The following CRYBA4 variants were observed in gnomAD, a reference collection of about 807,000 sequenced individuals.
The protein encoded by CRYBA4 is beta-crystallin A4.
A neutral mutation model predicts 31.7 loss-of-function variants in CRYBA4; 30 were observed. The observed-to-expected ratio is 0.95, with a 90% CI of 0.71 to 1.28. CRYBA4 has a LOEUF of 1.28. Among genes scored for constraint, CRYBA4 ranks in the 50% most tolerant of loss-of-function variants. The pLI is 0.00. For synonymous variants in CRYBA4, 102 were observed against 102.3 expected (o/e 1.00, Z 0.02); for missense variants, 225 against 260.7 (o/e 0.86, Z 0.94).
chr22:26,613,059 G>A, the CRYBA4 span, among the ~76,000 whole-genome samples: 1 of 152,274 alleles, frequency 6.6e-6, no homozygotes, highest in South Asian at 2.1e-4. Context: ...AGGGCCTGAG[G>A]TTGATCAATT....
At chr22:26,594,416 T>C in the CRYBA4 span, among the ~76,000 whole-genome samples, 6 of 152,296 alleles carry the variant, frequency 3.9e-5, no homozygotes, top group African/African-American at 1.4e-4. Context: ...TGCTCCAATG[T>C]CTAAAAGATT....
At chr22:26,591,930 G>T in the CRYBA4 span, among the ~76,000 whole-genome samples, 1 of 93,888 alleles carries the variant, frequency 1.1e-5, no homozygotes, top group South Asian at 3.5e-4. Context: ...CACACACACA[G>T]AAACTAGGGC....
the CRYBA4 span, among the ~76,000 whole-genome samples, chr22:26,611,454 G>T: frequency 0.022 from 3,082 of 142,710 alleles, 46 homozygotes; most frequent in Non-Finnish European, 0.033. Flanking sequence ...GCTAGAGTTT[G>T]TTTTTTTTTT....
the CRYBA4 span, among the ~76,000 whole-genome samples, chr22:26,613,568 T>G: frequency 6.6e-6 from 1 of 152,242 alleles, no homozygotes; most frequent in Non-Finnish European, 1.5e-5. Flanking sequence ...TCATGGACAC[T>G]TATCACTTCC....
chr22:26,599,369 C>G, the CRYBA4 span: 1 of 905,062 alleles, frequency 1.1e-6, no homozygotes, highest in Non-Finnish European at 1.7e-6. Context: ...TCAAGGCACA[C>G]ATCTGTTTAC....
chr22:26,610,582 G>C, the CRYBA4 span, among the ~76,000 whole-genome samples: 1 of 152,226 alleles, frequency 6.6e-6, no homozygotes. Context: ...GTGGAGCTGA[G>C]GCTGCGTTGA....
the CRYBA4 span, chr22:26,599,484 G>T: frequency 6.4e-4 from 1,023 of 1,608,608 alleles, 1 homozygote; most frequent in Non-Finnish European, 7.8e-4. Flanking sequence ...AGAGTGAGGT[G>T]TGGACTCACT....
the CRYBA4 span, among the ~76,000 whole-genome samples, chr22:26,595,315 G>A: frequency 2.6e-5 from 4 of 152,044 alleles, no homozygotes. Context: ...AGTGGCTTAC[G>A]CCTGTAATCC....
the CRYBA4 span, among the ~76,000 whole-genome samples, chr22:26,592,643 GC>G: frequency 6.6e-6 from 1 of 152,246 alleles, no homozygotes; most frequent in African/African-American, 2.4e-5. Context: ...ATGCTGCAGA[GC>G]TTTGTGGGCT....
rs762411374 is a variant in CRYBA4 at position 26,630,441 on chromosome 22, ATGCCCCGACC to A, written c.547_556del (p.Ala183SerfsTer?). 6.8e-6 allele frequency: 11 copies of A among 1,613,662 alleles called. No homozygotes were observed. In the South Asian group the frequency reaches 1.2e-4, roughly 18 times the overall value. On this transcript the variant is annotated frameshift_variant, in exon 6 of 6. Coordinates refer to ENST00000354760, the MANE Select transcript of CRYBA4 (RefSeq NM_001886.3). LOFTEE classifies it high-confidence loss of function. Reference sequence around the variant, plus strand: ...AAACATTTCCGGGAGTGGGGCTCTCATGCCCCGACCTTCCAGGTGCAGAGCATCCGCAGGA... The same window carrying A: ...AAACATTTCCGGGAGTGGGGCTCTCATTCCAGGTGCAGAGCATCCGCAGGA...
chr22:26,609,679 G>A, the CRYBA4 span, among the ~76,000 whole-genome samples: 3 of 152,210 alleles, frequency 2.0e-5, no homozygotes, highest in African/African-American at 2.4e-5. Context: ...TAAGTAGATG[G>A]ATGATGAATA....
At chr22:26,618,639 C>T (rs573459601), upstream of CRYBA4, among the ~76,000 whole-genome samples, 1 of 152,298 alleles carries the variant, frequency 6.6e-6, no homozygotes, top group African/African-American at 2.4e-5. Context: ...GCCCATTTCA[C>T]AGAAGAGGAA....
At chr22:26,604,330 G>T in the CRYBA4 span, among the ~76,000 whole-genome samples, 1 of 152,334 alleles carries the variant, frequency 6.6e-6, no homozygotes, top group Non-Finnish European at 1.5e-5. Context: ...TATGTAAAAG[G>T]CAGGTAATAT....
At chr22:26,600,173 G>A in the CRYBA4 span, among the ~76,000 whole-genome samples, 3 of 152,216 alleles carry the variant, frequency 2.0e-5, no homozygotes, top group East Asian at 1.9e-4. Flanking sequence ...AGGCTGAGGC[G>A]GGCAAATCAC....
chr22:26,612,329 C>T, the CRYBA4 span: 66 of 651,962 alleles, frequency 1.0e-4, no homozygotes, highest in Non-Finnish European at 1.8e-4. Flanking sequence ...ATGATCCTGT[C>T]CTCCCATCCC....
the CRYBA4 span, among the ~76,000 whole-genome samples, chr22:26,605,902 A>T: frequency 6.6e-6 from 1 of 152,298 alleles, no homozygotes; most frequent in Non-Finnish European, 1.5e-5. Flanking sequence ...AGAGAGAGGA[A>T]GGGTTAGACC....
At chr22:26,593,271 G>A in the CRYBA4 span, among the ~76,000 whole-genome samples, 16 of 152,310 alleles carry the variant, frequency 1.1e-4, no homozygotes, top group African/African-American at 3.4e-4. Context: ...AATAGATGTA[G>A]CATAATACAC....
At chr22:26,600,439 A>C in the CRYBA4 span, among the ~76,000 whole-genome samples, 1,932 of 152,244 alleles carry the variant, frequency 0.013, 40 homozygotes, top group African/African-American at 0.045. Flanking sequence ...AGGTAAGTGC[A>C]TCAGTGCGTA....
the CRYBA4 span, among the ~76,000 whole-genome samples, chr22:26,605,234 T>C: frequency 1.3e-5 from 2 of 152,212 alleles, no homozygotes; most frequent in African/African-American, 4.8e-5. Context: ...GTGTAACACC[T>C]ACCACAGTTT....
Sources: allele counts gnomAD v4.1 joint callset (sites outside exome capture counted in the v4.1 genomes callset), GRCh38; gene constraint gnomAD v4.1.1; transcripts MANE v1.5; gene names NCBI Gene and HGNC (gene_info 2026-07-23, HGNC 2026-07-21).